Variants in RGS21 observed in about 807,000 individuals in gnomAD.
RGS21 encodes the protein regulator of G-protein signalling 21.
In RGS21, 19 loss-of-function variants were observed where a neutral mutation model predicts 18.7. The observed-to-expected ratio is 1.01, with a 90% CI of 0.71 to 1.49. The LOEUF (loss-of-function observed/expected upper bound fraction) is 1.49, where lower values mean the gene tolerates loss of function less well. Ranked by LOEUF, RGS21 falls within the 40% of genes most tolerant of loss-of-function variation. The pLI is 0.00. For missense variants in RGS21, 194 were observed against 176.8 expected, an observed-to-expected ratio of 1.10 and a Z score of -0.55; for synonymous variants, 56 against 57.8, an observed-to-expected ratio of 0.97 and a Z score of 0.14.
chr1:192,334,465 A>G (rs2102226489), intron 1 of RGS21, among the ~76,000 whole-genome samples: 1 of 152,280 alleles, frequency 6.6e-6, no homozygotes, highest in Middle Eastern at 3.4e-3. Context: ...AGATCTTTTC[A>G]TAGGACAATG....
intron 3 of RGS21, 35 bp downstream of exon 3, chr1:192,347,424 T>A: frequency 1.1e-6 from 1 of 947,330 alleles, no homozygotes; most frequent in Non-Finnish European, 1.7e-6. Flanking sequence ...TAAAATACAA[T>A]AATTAAATAT....
chr1:192,348,009 C>CATATAT (rs147266394), intron 3 of RGS21, among the ~76,000 whole-genome samples: 41,660 of 146,594 alleles, frequency 0.28, 6,853 homozygotes, highest in African/African-American at 0.44. Flanking sequence ...CATACACATA[C>CATATAT]ATATATATAT....
chr1:192,331,830 T>C (rs927021999), intron 1 of RGS21, among the ~76,000 whole-genome samples: 4 of 152,018 alleles, frequency 2.6e-5, no homozygotes, highest in African/African-American at 9.6e-5. Context: ...AGATTGAAAA[T>C]GTATTTATCT....
intron 4 of RGS21, among the ~76,000 whole-genome samples, chr1:192,362,325 T>C (rs1486884246): frequency 6.6e-6 from 1 of 152,062 alleles, no homozygotes; most frequent in Non-Finnish European, 1.5e-5. Context: ...AATGACAAAT[T>C]CCATAACTTA....
At chr1:192,320,296 G>T (rs1297923161) in intron 1 of RGS21, among the ~76,000 whole-genome samples, 1 of 151,932 alleles carries the variant, frequency 6.6e-6, no homozygotes, top group African/African-American at 2.4e-5. Context: ...TTAAAAAGAA[G>T]CAAAATGAAA....
rs145374641 is a variant in RGS21 at position 192,333,137 on chromosome 1, A to G, written c.-60-9840A>G. Reference sequence around the variant, plus strand: ...ATGAGTTATCACTGCCGATCTAGGTAATAGAACAGATAAAAATGTCTTTAA... The same window carrying G: ...ATGAGTTATCACTGCCGATCTAGGTGATAGAACAGATAAAAATGTCTTTAA... On this transcript the variant is annotated intron_variant, in intron 1 of 4. Coordinates refer to ENST00000417209, the MANE Select transcript of RGS21 (RefSeq NM_001039152.3). 2.8e-3 allele frequency among the ~76,000 whole-genome samples: 419 copies of G among 152,214 alleles called. 3 individuals carry two copies. The highest frequency in any genetic ancestry group is 9.7e-3 in the African/African-American group (404 of 41,542).
intron 4 of RGS21, among the ~76,000 whole-genome samples, chr1:192,358,087 A>G (rs1017774448): frequency 6.6e-6 from 1 of 151,928 alleles, no homozygotes; most frequent in African/African-American, 2.4e-5. Flanking sequence ...GCTTTTGTAT[A>G]TCTATTTTTA....
chr1:192,342,276 G>A (rs1658882122), intron 1 of RGS21, among the ~76,000 whole-genome samples: 1 of 151,960 alleles, frequency 6.6e-6, no homozygotes, highest in Admixed American at 6.6e-5. Flanking sequence ...AAAGCATGAA[G>A]TTATAAAACT....
At chr1:192,339,599 C>G (rs1337762183) in intron 1 of RGS21, among the ~76,000 whole-genome samples, 1 of 151,874 alleles carries the variant, frequency 6.6e-6, no homozygotes, top group African/African-American at 2.4e-5. Flanking sequence ...GTTCCTTTGA[C>G]CCTCTTAACC....
At chr1:192,333,742 A>G (rs559270123) in intron 1 of RGS21, among the ~76,000 whole-genome samples, 18 of 152,042 alleles carry the variant, frequency 1.2e-4, no homozygotes, top group African/African-American at 3.4e-4. Context: ...ATGTAATGGA[A>G]TAGTTCTGTG....
At chr1:192,338,695 T>C (rs1412850204) in intron 1 of RGS21, among the ~76,000 whole-genome samples, 1 of 152,136 alleles carries the variant, frequency 6.6e-6, no homozygotes, top group Non-Finnish European at 1.5e-5. Context: ...TGCCACACTG[T>C]AGCCTTAACT....
chr1:192,357,958 G>C (rs1283523969), intron 4 of RGS21, among the ~76,000 whole-genome samples: 1 of 151,950 alleles, frequency 6.6e-6, no homozygotes, highest in Non-Finnish European at 1.5e-5. Flanking sequence ...AAAAGGCTCA[G>C]GTGTTCTTTA....
At chr1:192,351,700 C>A (rs149306484) in intron 3 of RGS21, among the ~76,000 whole-genome samples, 1 of 146,064 alleles carries the variant, frequency 6.8e-6, no homozygotes, top group East Asian at 2.0e-4. Flanking sequence ...GCTATATATG[C>A]TATATATAGC....
At chr1:192,362,645 A>G (rs1209963243) in intron 4 of RGS21, among the ~76,000 whole-genome samples, 2 of 152,192 alleles carry the variant, frequency 1.3e-5, no homozygotes, top group Non-Finnish European at 2.9e-5. Context: ...TGAGAACAGT[A>G]AACCTGCTCA....
At chr1:192,329,103 C>T (rs1008989717) in intron 1 of RGS21, among the ~76,000 whole-genome samples, 7 of 151,898 alleles carry the variant, frequency 4.6e-5, no homozygotes, top group South Asian at 4.2e-4. Flanking sequence ...ATAAGTTTTT[C>T]GATACAATAA....
rs554160830 is a variant in RGS21, at chr1:192,329,419, G to C, written c.-61+12314G>C. Among the ~76,000 whole-genome samples the C allele has an allele frequency of 5.3e-5, 8 of 151,876 alleles. No individual in the cohort carries two copies. In the East Asian group the frequency reaches 1.5e-3, roughly 29 times the overall value. Reference sequence around the variant, plus strand: ...AAAGCTACATTTTTTTTCTATTTCTGATTCTGATTTGACTATTTCTGATTC... The same window carrying C: ...AAAGCTACATTTTTTTTCTATTTCTCATTCTGATTTGACTATTTCTGATTC... On this transcript the variant is annotated intron_variant, in intron 1 of 4. Coordinates refer to ENST00000417209, the MANE Select transcript of RGS21 (RefSeq NM_001039152.3).
At chr1:192,321,279 T>C (rs1658495229) in intron 1 of RGS21, among the ~76,000 whole-genome samples, 1 of 152,006 alleles carries the variant, frequency 6.6e-6, no homozygotes, top group Admixed American at 6.6e-5. Context: ...AAATACTCTT[T>C]AAAACTGTCC....
intron 1 of RGS21, among the ~76,000 whole-genome samples, chr1:192,328,161 T>C (rs941869220): frequency 6.6e-6 from 1 of 152,180 alleles, no homozygotes; most frequent in Non-Finnish European, 1.5e-5. Context: ...ACGTGATTGA[T>C]CCTTTAACTG....
At chr1:192,327,086 C>T (rs1228352451) in intron 1 of RGS21, among the ~76,000 whole-genome samples, 1 of 152,026 alleles carries the variant, frequency 6.6e-6, no homozygotes, top group Non-Finnish European at 1.5e-5. Context: ...TGTGTAGAAG[C>T]ACATAAACTC....
Sources: allele counts gnomAD v4.1 joint callset (sites outside exome capture counted in the v4.1 genomes callset), GRCh38; gene constraint gnomAD v4.1.1; transcripts MANE v1.5; gene names NCBI Gene and HGNC (gene_info 2026-07-23, HGNC 2026-07-21).